Variants in RANBP2 observed in about 807,000 individuals in gnomAD.
The protein encoded by RANBP2 is E3 SUMO-protein ligase RanBP2.
A neutral mutation model predicts 303.6 loss-of-function variants in RANBP2; 57 were observed. That is an observed-to-expected ratio of 0.19 (90% CI 0.15 to 0.23). RANBP2 has a LOEUF of 0.23. Ranked by LOEUF, RANBP2 falls within the 10% of genes least tolerant of loss-of-function variation. RANBP2 has a pLI of 1.00. For missense variants in RANBP2, 3,138 were observed against 3,780.8 expected (o/e 0.83, Z 4.46); for synonymous variants, 1,167 against 1,301.5 (o/e 0.90, Z 2.23).
chr2:108,804,512 A>G, the RANBP2 span, among the ~76,000 whole-genome samples: 3 of 152,206 alleles, frequency 2.0e-5, no homozygotes, highest in African/African-American at 7.2e-5. Context: ...TTATAAAGCC[A>G]TAAATAGCTT....
chr2:109,498,108 G>A, the RANBP2 span, among the ~76,000 whole-genome samples: 1 of 152,324 alleles, frequency 6.6e-6, no homozygotes, highest in Non-Finnish European at 1.5e-5. Flanking sequence ...AGCCCTCACA[G>A]AGACGCTGAG....
chr2:109,138,012 G>T, the RANBP2 span, among the ~76,000 whole-genome samples: 121,592 of 152,122 alleles, frequency 0.8, 49,828 homozygotes, highest in Non-Finnish European at 0.89. Context: ...CATTTATTTC[G>T]CAGATCAAAA....
At chr2:108,746,208 C>CTTTTTTT (rs35544546) in intron 7 of RANBP2, among the ~76,000 whole-genome samples, 4 of 90,558 alleles carry the variant, frequency 4.4e-5, no homozygotes, top group African/African-American at 1.6e-4. Flanking sequence ...ATGTCTGGCC[C>CTTTTTTT]TTTTTTTTTT....
At chr2:109,535,017 T>C in the RANBP2 span, among the ~76,000 whole-genome samples, 2 of 152,128 alleles carry the variant, frequency 1.3e-5, no homozygotes, top group African/African-American at 4.8e-5. Flanking sequence ...TCAGCCTCTA[T>C]CAGTGATCGA....
chr2:109,078,140 GTA>G, the RANBP2 span, among the ~76,000 whole-genome samples: 8,411 of 61,048 alleles, frequency 0.14, 1,241 homozygotes, highest in East Asian at 0.63. Context: ...TATATAGCGT[GTA>G]TATATATAGC....
the RANBP2 span, chr2:109,794,418 G>A: frequency 1.6e-5 from 1 of 64,188 alleles, no homozygotes; most frequent in Non-Finnish European, 1.7e-5. Flanking sequence ...GACTGCTGCG[G>A]GGCTGAGCGG....
At chr2:109,049,357 G>C in the RANBP2 span, among the ~76,000 whole-genome samples, 4 of 152,180 alleles carry the variant, frequency 2.6e-5, no homozygotes, top group African/African-American at 9.7e-5. Context: ...TGCTAAACAT[G>C]CCCCTGGGAG....
intron 9 of RANBP2, among the ~76,000 whole-genome samples, chr2:108,750,559 TTTC>T (rs889262428): frequency 6.5e-5 from 6 of 92,540 alleles, no homozygotes; most frequent in Admixed American, 9.7e-5. Flanking sequence ...CACATAACCT[TTTC>T]TTTTCTTTTC....
At chr2:109,329,750 A>G in the RANBP2 span, among the ~76,000 whole-genome samples, 1 of 152,246 alleles carries the variant, frequency 6.6e-6, no homozygotes, top group African/African-American at 2.4e-5. Flanking sequence ...AGTGTGACAC[A>G]AAGGAGGCTG....
chr2:109,060,776 T>C, the RANBP2 span, among the ~76,000 whole-genome samples: 148 of 152,326 alleles, frequency 9.7e-4, no homozygotes, highest in Non-Finnish European at 1.0e-3. Flanking sequence ...GTTTTCCTGT[T>C]GGGTCTTTAA....
chr2:109,614,137 G>A, the RANBP2 span: 359 of 1,202,676 alleles, frequency 3.0e-4, no homozygotes, highest in Non-Finnish European at 3.5e-4. Flanking sequence ...TGGGACTCCA[G>A]GAAGACGGCG....
At chr2:108,981,658 G>A in the RANBP2 span, among the ~76,000 whole-genome samples, 29 of 152,068 alleles carry the variant, frequency 1.9e-4, no homozygotes, top group Non-Finnish European at 3.2e-4. Flanking sequence ...CCCCACACCC[G>A]AGATAGTTAT....
chr2:109,731,755 T>G, the RANBP2 span, among the ~76,000 whole-genome samples: 1 of 152,166 alleles, frequency 6.6e-6, no homozygotes, highest in South Asian at 2.1e-4. Flanking sequence ...CCCAAAGTGC[T>G]GGGATTACAG....
At chr2:109,478,284 A>T in the RANBP2 span, among the ~76,000 whole-genome samples, 2 of 152,142 alleles carry the variant, frequency 1.3e-5, no homozygotes, top group Non-Finnish European at 2.9e-5. Context: ...TGTCCCTGTG[A>T]TACATTCAAA....
chr2:109,507,254 C>T, the RANBP2 span, among the ~76,000 whole-genome samples: 10,330 of 152,232 alleles, frequency 0.068, 378 homozygotes, highest in African/African-American at 0.082. Context: ...CTTCCCGAGC[C>T]GGCCCCACCC....
At chr2:109,659,444 T>G in the RANBP2 span, among the ~76,000 whole-genome samples, 2 of 152,184 alleles carry the variant, frequency 1.3e-5, no homozygotes, top group African/African-American at 4.8e-5. Flanking sequence ...CAGGCTCCTT[T>G]CCATCTCAAT....
chr2:109,364,027 T>A, the RANBP2 span, among the ~76,000 whole-genome samples: 5 of 152,310 alleles, frequency 3.3e-5, no homozygotes, highest in African/African-American at 1.2e-4. Flanking sequence ...AATTCTCAGT[T>A]ATTATTGTTT....
At chr2:109,537,424 A>G in the RANBP2 span, among the ~76,000 whole-genome samples, 1 of 152,152 alleles carries the variant, frequency 6.6e-6, no homozygotes, top group Non-Finnish European at 1.5e-5. Context: ...CTTTTTATAT[A>G]TTCTTGGGTT....
At chr2:109,129,980 C>T in the RANBP2 span, 10 of 1,306,858 alleles carry the variant, frequency 7.7e-6, no homozygotes, top group African/African-American at 1.5e-5. Flanking sequence ...AGTGCGGCCC[C>T]CACGCTCGCG....
Sources: allele counts gnomAD v4.1 joint callset (sites outside exome capture counted in the v4.1 genomes callset), GRCh38; gene constraint gnomAD v4.1.1; transcripts MANE v1.5; gene names NCBI Gene and HGNC (gene_info 2026-07-23, HGNC 2026-07-21).